The following ROR2 variants were observed in gnomAD, a reference collection of about 807,000 sequenced individuals.
ROR2 encodes ROR family WNT receptor 2, also known as tyrosine-protein kinase transmembrane receptor ROR2.
In ROR2, 33 loss-of-function variants were observed where a neutral mutation model predicts 74.9. The observed-to-expected ratio is 0.44, with a 90% confidence interval of 0.33 to 0.59. ROR2 has a LOEUF of 0.59. Ranked by LOEUF, ROR2 falls within the 20% of genes least tolerant of loss-of-function variation. The pLI is 0.02. For synonymous variants in ROR2, 586 were observed against 558.7 expected (o/e 1.05, Z -0.69); for missense variants, 1,216 against 1,313.8 (o/e 0.93, Z 1.15).
At chr9:91,863,622 A>G (rs1457530140) in intron 1 of ROR2, among the ~76,000 whole-genome samples, 1 of 152,236 alleles carries the variant, frequency 6.6e-6, no homozygotes, top group Admixed American at 6.5e-5. Context: ...GAAGCTTGGG[A>G]ACCTTATGCT....
At chr9:91,892,490 A>G (rs1021017996) in intron 1 of ROR2, among the ~76,000 whole-genome samples, 1 of 150,906 alleles carries the variant, frequency 6.6e-6, no homozygotes, top group African/African-American at 2.4e-5. Context: ...AACAGATTAA[A>G]CTATATAAAG....
chr9:91,724,426 G>A lies in ROR2; in HGVS notation c.2068C>T (p.Leu690=). The A allele has an allele frequency of 1.2e-6, 2 of 1,614,190 alleles. No individual in the cohort carries two copies. Among genetic ancestry groups the A allele is most frequent in the South Asian group, 1.1e-5 (1 of 91,090 alleles). ...VVLWEVFSYG[L]QPYCGYSNQD... ...TTGGAGTACCCGCAGTAGGGCTGCA[G>A]GCCGTAGCTGAAGACCTCCCACAGG... Residue 690 remains leucine (L), a synonymous_variant, in exon 9 of 9, where the codon CTG becomes TTG. Transcript: ENST00000375708.
At chr9:91,862,093 G>A (rs1437887593) in intron 1 of ROR2, among the ~76,000 whole-genome samples, 2 of 152,150 alleles carry the variant, frequency 1.3e-5, no homozygotes, top group Non-Finnish European at 2.9e-5. Context: ...GGAGGCTGAG[G>A]AGGGCAGATC....
Position 91,726,697 on chromosome 9 carries a change from G to T in ROR2, c.1230C>A (p.Pro410=), listed in dbSNP as rs1837051811. Residue 410 remains proline (P), a synonymous_variant, in exon 8 of 9, where the codon CCC becomes CCA. Coordinates refer to ENST00000375708, the MANE Select transcript of ROR2 (RefSeq NM_004560.4). Reference sequence around the variant, plus strand: ...CGATGACCAGTGGAATTGCGATGCTGGGGACCAAGATGTACAGAATCCCCA... The same window carrying T: ...CGATGACCAGTGGAATTGCGATGCTTGGGACCAAGATGTACAGAATCCCCA... The part of the protein sequence containing the change: ...SKMGILYILV[P]SIAIPLVIAC... The T allele has an allele frequency of 6.2e-7, 1 of 1,613,974 alleles. No homozygotes were observed. The highest frequency in any genetic ancestry group is 1.1e-5 in the South Asian group (1 of 91,044).
At chr9:91,726,252 A>C (rs1167262996) in intron 8 of ROR2, among the ~76,000 whole-genome samples, 1 of 152,192 alleles carries the variant, frequency 6.6e-6, no homozygotes, top group African/African-American at 2.4e-5. Flanking sequence ...GAGCTGAGGC[A>C]CCTGGACAGT....
At chr9:91,750,815 C>T (rs1825576290) in intron 4 of ROR2, among the ~76,000 whole-genome samples, 1 of 146,692 alleles carries the variant, frequency 6.8e-6, no homozygotes, top group South Asian at 2.1e-4. Context: ...AATATGGAAT[C>T]TGAAAATAAT....
Position 91,733,509 on chromosome 9 carries a change from CCAGCCT to C in ROR2, c.623-79_623-74del. 1 of 1,485,830 alleles carries C rather than the reference CCAGCCT, an allele frequency of 6.7e-7. No individual in the cohort carries two copies. The highest frequency in any genetic ancestry group is 9.0e-7 in the Non-Finnish European group (1 of 1,105,352). The allele number at this position is 1,485,830 out of a possible 1,614,324, so 92.0% of individuals were successfully genotyped here. A position where few individuals can be genotyped will look rare whatever the true frequency, so the allele number is the denominator to read the frequency against. On this transcript the variant is annotated intron_variant, in intron 5 of 8. Coordinates refer to ENST00000375708, the MANE Select transcript of ROR2 (RefSeq NM_004560.4). The surrounding 1 kb of genome is among the most constrained non-coding windows in gnomAD (Gnocchi z 5.7). ...CTTGACATTCATCCAGTCCCCACCC[CCAGCCT>C]GGCATCCCAGACTGCCCACTCAGCC...
chr9:91,936,757 G>A (rs968737271), intron 1 of ROR2, among the ~76,000 whole-genome samples: 5 of 151,784 alleles, frequency 3.3e-5, no homozygotes, highest in South Asian at 4.2e-4. Flanking sequence ...TCGGCCGGGC[G>A]CGGTGGCTCA....
intron 1 of ROR2, among the ~76,000 whole-genome samples, chr9:91,816,452 G>A (rs1272338255): frequency 6.6e-6 from 1 of 152,104 alleles, no homozygotes; most frequent in Non-Finnish European, 1.5e-5. Flanking sequence ...GCTGGTCTCA[G>A]ATCACCCACG....
chr9:91,907,296 G>C (rs138129871), intron 1 of ROR2, among the ~76,000 whole-genome samples: 33 of 152,134 alleles, frequency 2.2e-4, no homozygotes, highest in African/African-American at 8.0e-4. Context: ...TAACAGGCAG[G>C]ACAGTGCTGA....
chr9:91,900,434 G>C (rs1830646701), intron 1 of ROR2, among the ~76,000 whole-genome samples: 1 of 152,252 alleles, frequency 6.6e-6, no homozygotes. Context: ...GCGGCGCGGG[G>C]CAATCCTCCG....
At chr9:91,777,137 A>G (rs1439273063) in intron 1 of ROR2, among the ~76,000 whole-genome samples, 2 of 152,236 alleles carry the variant, frequency 1.3e-5, no homozygotes, top group African/African-American at 2.4e-5. Context: ...GACACCACTT[A>G]TATTTCGAAA....
intron 1 of ROR2, among the ~76,000 whole-genome samples, chr9:91,898,700 C>T (rs749955602): frequency 1.3e-4 from 20 of 152,308 alleles, no homozygotes; most frequent in Middle Eastern, 3.4e-3. Context: ...TCTCACAGGA[C>T]TTTAAAAGGA....
chr9:91,822,660 T>C (rs1203374026), intron 1 of ROR2, among the ~76,000 whole-genome samples: 2 of 152,114 alleles, frequency 1.3e-5, no homozygotes, highest in East Asian at 1.9e-4. Flanking sequence ...AGAAGGCTGT[T>C]TGGGGAACAA....
intron 1 of ROR2, among the ~76,000 whole-genome samples, chr9:91,803,069 A>G (rs1282325644): frequency 6.6e-6 from 1 of 152,184 alleles, no homozygotes; most frequent in African/African-American, 2.4e-5. Flanking sequence ...GAGAAACTGG[A>G]ACCCTGTGCA....
At position 91,775,823 on chromosome 9, in the gene ROR2, G is replaced by A. The variant is rs765290063; in HGVS notation, c.98-5C>T. On this transcript the variant is annotated splice_region_variant and splice_polypyrimidine_tract_variant and intron_variant, in intron 1 of 8. Transcript: ENST00000375708. ...GATCCAGAACCTCCACTTCACCTGG[G>A]AAAAAGAAACCAGGATAGGTATTAA... The A allele has an allele frequency of 1.2e-6, 2 of 1,613,536 alleles. No homozygotes were observed. Among genetic ancestry groups the A allele is most frequent in the South Asian group, 2.2e-5 (2 of 91,024 alleles).
intron 1 of ROR2, among the ~76,000 whole-genome samples, chr9:91,872,373 G>T (rs1829822479): frequency 6.6e-6 from 1 of 152,128 alleles, no homozygotes; most frequent in African/African-American, 2.4e-5. Flanking sequence ...ACCACCCAAG[G>T]GAAGCCTGAC....
intron 1 of ROR2, among the ~76,000 whole-genome samples, chr9:91,920,563 A>G (rs1162662852): frequency 6.6e-6 from 1 of 152,214 alleles, no homozygotes; most frequent in African/African-American, 2.4e-5. Context: ...ACATTCAGAA[A>G]GAGGCAAGGG....
chr9:91,838,042 C>T lies in ROR2; in HGVS notation c.98-62224G>A, dbSNP rs146144410. Among the ~76,000 whole-genome samples, 211 of 152,224 alleles carry T rather than the reference C, an allele frequency of 1.4e-3. 2 individuals are homozygous for T. Among genetic ancestry groups the T allele is most frequent in the African/African-American group, 4.9e-3 (204 of 41,546 alleles). On this transcript the variant is annotated intron_variant, in intron 1 of 8. Coordinates refer to ENST00000375708, the MANE Select transcript of ROR2 (RefSeq NM_004560.4). ...AACTAGTTTCATTTTTGCATGTTGA[C>T]GTCTAGCTTTTACTGCCTTGTCTGG...
Sources: gnomAD v4.1 joint callset for allele counts (sites outside exome capture counted in the v4.1 genomes callset) on GRCh38, gnomAD v4.1.1 for gene constraint, Gnocchi (gnomAD v3.1) non-coding constraint, MANE v1.5 for transcripts, NCBI Gene and HGNC (gene_info 2026-07-23, HGNC 2026-07-21) for gene names.